The following ATRX variants were observed in gnomAD, a reference collection of about 807,000 sequenced individuals.
ATRX encodes the protein chromatin remodeler ATRX.
ATRX carries 12 observed loss-of-function variants against 172.6 expected under a neutral mutation model. The observed-to-expected ratio is 0.07, with a 90% CI of 0.04 to 0.11. The LOEUF is 0.11. ATRX is among the 10% of genes least tolerant of loss of function. The pLI is 1.00. For synonymous variants in ATRX, 674 were observed against 594.7 expected (o/e 1.13, Z -1.94); for missense variants, 1,368 against 1,767.4 (o/e 0.77, Z 4.05).
intron 1 of ATRX, among the ~76,000 whole-genome samples, chrX:77,725,813 G>T (rs6620845): frequency 0.051 from 5,668 of 112,013 alleles, 372 homozygotes; most frequent in African/African-American, 0.18. Flanking sequence ...AGTAGGCAAA[G>T]GATATGAACA....
chrX:77,723,566 G>T (rs782648514), intron 1 of ATRX, among the ~76,000 whole-genome samples: 1 of 111,231 alleles, frequency 9.0e-6, no homozygotes, highest in East Asian at 2.8e-4. Flanking sequence ...AGTGGGTATG[G>T]TTTCCATATT....
intron 2 of ATRX, among the ~76,000 whole-genome samples, chrX:77,708,429 G>A (rs1603257919): frequency 8.9e-6 from 1 of 112,323 alleles, no homozygotes; most frequent in Non-Finnish European, 1.9e-5. Flanking sequence ...GGGAACCTGA[G>A]GTGGGCAGAT....
intron 13 of ATRX, among the ~76,000 whole-genome samples, chrX:77,655,537 C>T (rs1434132775): frequency 1.8e-5 from 2 of 110,066 alleles, no homozygotes; most frequent in African/African-American, 6.6e-5. Flanking sequence ...TATTAGAGTA[C>T]GAGGGCATGG....
At chrX:77,545,240 T>C (rs1250557827) in intron 30 of ATRX, among the ~76,000 whole-genome samples, 1 of 112,088 alleles carries the variant, frequency 8.9e-6, no homozygotes, top group Non-Finnish European at 1.9e-5. Flanking sequence ...CCCCATATTA[T>C]GGACGAAACT....
At position 77,706,978 on chromosome X, in the gene ATRX, T is replaced by C. The variant is rs782355864; in HGVS notation, c.134-8349A>G. ...ATTATATATCTTATCCAAGTGTCCA[T>C]TGAAATATGAATAGATAAACAAAAT... On this transcript the variant is annotated intron_variant, in intron 2 of 34. Coordinates refer to ENST00000373344, the MANE Select transcript of ATRX (RefSeq NM_000489.6). 8.0e-5 allele frequency among the ~76,000 whole-genome samples: 9 copies of C among 112,373 alleles called. No individual in the cohort carries two copies. The South Asian group carries it at 1.8e-3, about 23-fold the overall frequency.
chrX:77,671,362 G>A (rs1374455456), intron 10 of ATRX, among the ~76,000 whole-genome samples: 3 of 104,972 alleles, frequency 2.9e-5, no homozygotes, highest in African/African-American at 1.0e-4. Context: ...CCTTTTTGGT[G>A]AGGGTACCAG....
intron 6 of ATRX, among the ~76,000 whole-genome samples, chrX:77,692,894 T>G (rs990805922): frequency 9.4e-5 from 10 of 105,839 alleles, no homozygotes; most frequent in Admixed American, 5.1e-4. Flanking sequence ...TGTGTGTGTT[T>G]TAATTTTTTT....
At chrX:77,774,349 T>C (rs2076273258) in intron 1 of ATRX, among the ~76,000 whole-genome samples, 1 of 111,089 alleles carries the variant, frequency 9.0e-6, no homozygotes, top group African/African-American at 3.3e-5. Flanking sequence ...CATGAAGCAA[T>C]TGGTAAAATG....
At chrX:77,616,374 A>T in intron 22 of ATRX, 1 of 1,001,286 alleles carries the variant, frequency 1.0e-6, no homozygotes. Flanking sequence ...AAAGCTCTTT[A>T]CAAATTAAGG....
At position 77,557,510 on chromosome X, in the gene ATRX, A is replaced by C. The variant is rs782396522; in HGVS notation, c.6640T>G (p.Leu2214Val). 8 of 1,210,471 alleles carry C rather than the reference A, an allele frequency of 6.6e-6. No individual in the cohort carries two copies. The Admixed American group carries it at 1.7e-4, about 26-fold the overall frequency. The change falls in exon 30 of 35, where the codon TTA becomes GTA. Residue 2214 changes from leucine to valine, a missense_variant. Around this residue, in one of 17 missense-constraint regions of ATRX, gnomAD observed 18 missense variants for 52.4 expected, o/e 0.34. Coordinates refer to ENST00000373344, the MANE Select transcript of ATRX (RefSeq NM_000489.6). ...TTTTCTGAATTAGGGTCATCTAATA[A>C]GTCTGGCTCAAAAGTATAAAGTTCA... ...LTELYTFEPD[L>V]LDDPNSEKKK...
intron 22 of ATRX, among the ~76,000 whole-genome samples, chrX:77,614,618 G>T (rs782526714): frequency 9.9e-5 from 11 of 111,170 alleles, no homozygotes; most frequent in Non-Finnish European, 1.7e-4. Context: ...TACATATTTT[G>T]GGAGTGCATG....
At chrX:77,624,304 T>A (rs1211877989) in intron 19 of ATRX, among the ~76,000 whole-genome samples, 2 of 110,770 alleles carry the variant, frequency 1.8e-5, no homozygotes, top group African/African-American at 6.6e-5. Context: ...GAGGCGGAGC[T>A]TGCAGTGAGC....
intron 22 of ATRX, among the ~76,000 whole-genome samples, chrX:77,604,576 G>A (rs1400709595): frequency 8.9e-6 from 1 of 112,128 alleles, no homozygotes; most frequent in Non-Finnish European, 1.9e-5. Context: ...ATGAAAAACA[G>A]TACAGAGATT....
intron 19 of ATRX, among the ~76,000 whole-genome samples, chrX:77,627,494 T>A (rs942419027): frequency 9.0e-6 from 1 of 110,998 alleles, no homozygotes; most frequent in Non-Finnish European, 1.9e-5. Context: ...CTCAGGAGGC[T>A]GAGGCAGAAG....
At chrX:77,521,020 T>A (rs1393947193) in intron 33 of ATRX, 104 bp from the exon 34 acceptor site, 1 of 841,459 alleles carries the variant, frequency 1.2e-6, no homozygotes, top group Non-Finnish European at 1.7e-6. Flanking sequence ...CAAACCCCCC[T>A]TTTCCTTTAT....
chrX:77,587,062 A>T, intron 27 of ATRX, among the ~76,000 whole-genome samples: 1 of 110,998 alleles, frequency 9.0e-6, no homozygotes, highest in South Asian at 3.8e-4. Context: ...CTCTAAAAAA[A>T]AAAAAAGTTG....
chrX:77,785,952 T>G, intron 1 of ATRX, 30 bp downstream of exon 1: 1 of 1,184,083 alleles, frequency 8.4e-7, no homozygotes, highest in Non-Finnish European at 1.1e-6. Context: ...CCCAGACCGC[T>G]GGGGCCCATG....
At chrX:77,778,613 C>T (rs1296810919) in intron 1 of ATRX, among the ~76,000 whole-genome samples, 15 of 106,712 alleles carry the variant, frequency 1.4e-4, no homozygotes, top group African/African-American at 5.1e-4. Flanking sequence ...CCAAGCTACT[C>T]GGGAAGCTGA....
chrX:77,578,197 G>A (rs1055833902), intron 27 of ATRX, among the ~76,000 whole-genome samples: 1 of 111,427 alleles, frequency 9.0e-6, no homozygotes, highest in Non-Finnish European at 1.9e-5. Flanking sequence ...AGTGCACTGG[G>A]GCCCTAAATA....
Sources: gnomAD v4.1 joint callset for allele counts (sites outside exome capture counted in the v4.1 genomes callset) on GRCh38, gnomAD v4.1.1 for gene constraint, gnomAD v4.1.1 regional missense constraint, MANE v1.5 for transcripts, NCBI Gene and HGNC (gene_info 2026-07-23, HGNC 2026-07-21) for gene names.